SATB2: variants seen among roughly 807,000 people sequenced by gnomAD.
SATB2 encodes DNA-binding protein SATB2.
A neutral mutation model predicts 73.4 loss-of-function variants in SATB2; 1 was observed. The observed-to-expected ratio is 0.01, with a 90% confidence interval of 0.00 to 0.06. SATB2 has a LOEUF of 0.06. SATB2 is among the 10% of genes least tolerant of loss of function. The probability of loss-of-function intolerance (pLI) is 1.00; values close to 1 mark genes in which losing one functional copy is unlikely to be tolerated. For missense variants in SATB2, 459 were observed against 945.8 expected (o/e 0.49, Z 6.75); for synonymous variants, 397 against 367.0 (o/e 1.08, Z -0.93).
rs150079639 is a variant in SATB2, at chr2:199,306,114, G to A, written c.1740+2646C>T. Among the ~76,000 whole-genome samples the A allele has an allele frequency of 4.6e-5, 7 of 152,150 alleles. No homozygotes were observed. The East Asian group carries it at 9.7e-4, about 21-fold the overall frequency. ...AAAGGCCCAAGTGAATTCCAACCCCGAGTCCTTGGCTTTTGGACAATTACA... is the reference window on the plus strand; with the variant it reads ...AAAGGCCCAAGTGAATTCCAACCCCAAGTCCTTGGCTTTTGGACAATTACA... On this transcript the variant is annotated intron_variant, in intron 10 of 10. Coordinates refer to ENST00000417098, the MANE Select transcript of SATB2 (RefSeq NM_001172509.2).
intron 3 of SATB2, among the ~76,000 whole-genome samples, chr2:199,400,319 G>A (rs1207350862): frequency 1.3e-5 from 2 of 152,078 alleles, no homozygotes; most frequent in East Asian, 3.9e-4. Flanking sequence ...TAAATATTTG[G>A]CAAATGAATA....
intron 9 of SATB2, among the ~76,000 whole-genome samples, chr2:199,309,715 C>T (rs1341341262): frequency 2.0e-5 from 3 of 152,174 alleles, no homozygotes; most frequent in East Asian, 1.9e-4. Context: ...CTGTCAACAT[C>T]GCTCACTGAC....
At chr2:199,316,279 T>C (rs1175263459) in intron 9 of SATB2, among the ~76,000 whole-genome samples, 2 of 151,998 alleles carry the variant, frequency 1.3e-5, no homozygotes, top group East Asian at 1.9e-4. Flanking sequence ...TTAAAATAAA[T>C]AAACCCCCTA....
intron 6 of SATB2, among the ~76,000 whole-genome samples, chr2:199,366,274 T>C (rs1480766166): frequency 6.6e-6 from 1 of 152,102 alleles, no homozygotes; most frequent in Non-Finnish European, 1.5e-5. Context: ...TTGGAATTCA[T>C]TGCCTTTTTT....
chr2:199,456,104 G>T lies in SATB2; in HGVS notation c.-59-8C>A. On this transcript the variant is annotated splice_polypyrimidine_tract_variant and splice_region_variant and intron_variant, in intron 1 of 10. Coordinates refer to ENST00000417098, the MANE Select transcript of SATB2 (RefSeq NM_001172509.2). ...AATAAAACGCACAGGGACCTAGGGA[G>T]GGGGTGGGGGGAGGAAGGGGGAGGG... 1 of 1,247,266 alleles carries T rather than the reference G, an allele frequency of 8.0e-7. No individual in the cohort carries two copies. The highest frequency in any genetic ancestry group is 1.1e-6 in the Non-Finnish European group (1 of 886,532). 77.3% of individuals were successfully genotyped at this position (1,247,266 alleles called of 1,614,324 possible). A position where few individuals can be genotyped will look rare whatever the true frequency, so the allele number is the denominator to read the frequency against.
chr2:199,446,312 G>A (rs1258826306), intron 2 of SATB2, among the ~76,000 whole-genome samples: 1 of 152,162 alleles, frequency 6.6e-6, no homozygotes, highest in Non-Finnish European at 1.5e-5. Context: ...CAGCCTCACA[G>A]AACTTCCTTG....
chr2:199,456,269 C>A (rs1257437199), intron 1 of SATB2, among the ~76,000 whole-genome samples, 173 bp from the exon 2 acceptor site: 1 of 152,262 alleles, frequency 6.6e-6, no homozygotes. Flanking sequence ...TTACACTGGG[C>A]GGCCCCCAGG....
At chr2:199,281,731 T>A (rs997480801) in intron 10 of SATB2, among the ~76,000 whole-genome samples, 3 of 152,202 alleles carry the variant, frequency 2.0e-5, no homozygotes, top group Non-Finnish European at 4.4e-5. Flanking sequence ...AGGAGAACTT[T>A]AATGATTAAT....
At chr2:199,420,874 C>T (rs1691145827) in intron 3 of SATB2, among the ~76,000 whole-genome samples, 1 of 152,032 alleles carries the variant, frequency 6.6e-6, no homozygotes, top group Non-Finnish European at 1.5e-5. Flanking sequence ...GGTTTCATAA[C>T]TAATATTTCT....
intron 10 of SATB2, among the ~76,000 whole-genome samples, chr2:199,294,095 G>A (rs900105252): frequency 1.4e-4 from 21 of 152,024 alleles, no homozygotes; most frequent in Admixed American, 9.2e-4. Context: ...AGATGTTTCC[G>A]ACTAATCTTT....
rs148452109 is a variant in SATB2, at chr2:199,380,612, G to A, written c.474-125C>T. 624 of 1,228,590 alleles carry A rather than the reference G, an allele frequency of 5.1e-4. 10 individuals are homozygous for A. The South Asian group carries it at 7.3e-3, about 14-fold the overall frequency. The allele number at this position is 1,228,590 out of a possible 1,614,324, so 76.1% of individuals were successfully genotyped here. Reference sequence around the variant, plus strand: ...TTCAGAAGAAATGCTAAAGAATGGGGTCTAAGTGAAGGAAGGGAAGTAAAA... The same window carrying A: ...TTCAGAAGAAATGCTAAAGAATGGGATCTAAGTGAAGGAAGGGAAGTAAAA... On this transcript the variant is annotated intron_variant, in intron 4 of 10. Transcript: ENST00000417098.
chr2:199,306,932 T>C (rs557580585), intron 10 of SATB2, among the ~76,000 whole-genome samples: 1 of 152,338 alleles, frequency 6.6e-6, no homozygotes, highest in Non-Finnish European at 1.5e-5. Flanking sequence ...CTGTGATTAA[T>C]ATGTGGAATA....
intron 2 of SATB2, among the ~76,000 whole-genome samples, chr2:199,435,753 G>T (rs1691635396): frequency 6.6e-6 from 1 of 152,104 alleles, no homozygotes; most frequent in African/African-American, 2.4e-5. Flanking sequence ...GAACAAGTCT[G>T]ATATCACTCC....
chr2:199,451,216 T>C (rs1356008798), intron 2 of SATB2, among the ~76,000 whole-genome samples: 1 of 151,858 alleles, frequency 6.6e-6, no homozygotes, highest in Non-Finnish European at 1.5e-5. Context: ...ACTTGAAACA[T>C]CAAATTATGC....
At chr2:199,413,273 G>A (rs1690876854) in intron 3 of SATB2, among the ~76,000 whole-genome samples, 1 of 152,100 alleles carries the variant, frequency 6.6e-6, no homozygotes, top group African/African-American at 2.4e-5. Flanking sequence ...CAATTTTATA[G>A]ATAAGAAAAC....
intron 6 of SATB2, among the ~76,000 whole-genome samples, chr2:199,358,305 T>A (rs1053231767): frequency 1.3e-5 from 2 of 151,996 alleles, no homozygotes; most frequent in Non-Finnish European, 2.9e-5. Flanking sequence ...CAAAAAAAAA[T>A]TCTGTTAATA....
chr2:199,346,936 C>G (rs1213032973), intron 7 of SATB2: 1 of 146,878 alleles, frequency 6.8e-6, no homozygotes, highest in African/African-American at 2.5e-5. Flanking sequence ...GATCTCGGCT[C>G]ACTGCAGCCT....
intron 6 of SATB2, among the ~76,000 whole-genome samples, chr2:199,360,550 C>T (rs1288266943): frequency 1.3e-5 from 2 of 152,094 alleles, no homozygotes; most frequent in African/African-American, 2.4e-5. Flanking sequence ...TAGAACCTTC[C>T]CTCCTTACAC....
intron 6 of SATB2, among the ~76,000 whole-genome samples, chr2:199,366,933 C>A (rs1438411828): frequency 6.6e-6 from 1 of 152,036 alleles, no homozygotes; most frequent in African/African-American, 2.4e-5. Flanking sequence ...AACACACACA[C>A]ACATTCTGTA....
Sources: gnomAD v4.1 joint callset for allele counts (sites outside exome capture counted in the v4.1 genomes callset) on GRCh38, gnomAD v4.1.1 for gene constraint, MANE v1.5 for transcripts, NCBI Gene and HGNC (gene_info 2026-07-23, HGNC 2026-07-21) for gene names.